ARHGEF10: variants seen among roughly 807,000 people sequenced by gnomAD.
ARHGEF10 encodes Rho guanine nucleotide exchange factor 10.
A neutral mutation model predicts 147.4 loss-of-function variants in ARHGEF10; 140 were observed. The ratio of observed to expected loss-of-function variants is 0.95; its 90% CI spans 0.83 to 1.09. The LOEUF is 1.09. Ranked by LOEUF, ARHGEF10 falls within the 50% of genes least tolerant of loss-of-function variation. ARHGEF10 has a pLI of 0.00. For missense variants in ARHGEF10, 2,222 were observed against 1,752.7 expected (o/e 1.27, Z -4.78); for synonymous variants, 902 against 695.8 (o/e 1.30, Z -4.67).
intron 2 of ARHGEF10, among the ~76,000 whole-genome samples, chr8:1,851,729 A>T (rs1251040863): frequency 2.0e-5 from 3 of 152,128 alleles, no homozygotes; most frequent in African/African-American, 7.2e-5. Context: ...CCTGGGCAAC[A>T]TAGTGCCACC....
chr8:1,849,440 A>G (rs1212367063), intron 2 of ARHGEF10, among the ~76,000 whole-genome samples: 5 of 144,196 alleles, frequency 3.5e-5, no homozygotes, highest in South Asian at 2.3e-4. Context: ...AATGCTGAGG[A>G]GGGCGTGGGG....
intron 18 of ARHGEF10, among the ~76,000 whole-genome samples, chr8:1,910,113 C>A (rs118144264): frequency 0.064 from 9,758 of 151,972 alleles, 449 homozygotes; most frequent in Middle Eastern, 0.11. Context: ...ATCCAAAGAA[C>A]GACTGGCTAA....
At chr8:1,837,324 C>G (rs1021245770) in intron 1 of ARHGEF10, among the ~76,000 whole-genome samples, 1 of 152,210 alleles carries the variant, frequency 6.6e-6, no homozygotes, top group Non-Finnish European at 1.5e-5. Context: ...TGCAGGCAGA[C>G]GCCATGGTCG....
chr8:1,830,367 G>A (rs1454332946), intron 1 of ARHGEF10, among the ~76,000 whole-genome samples: 4 of 152,108 alleles, frequency 2.6e-5, no homozygotes, highest in Admixed American at 2.0e-4. Flanking sequence ...GCCTCCGGGG[G>A]CCGTGCAAAC....
At chr8:1,882,586 A>G (rs1473810605) in intron 9 of ARHGEF10, 49 bp from the exon 10 acceptor site, 7 of 1,438,018 alleles carry the variant, frequency 4.9e-6, no homozygotes, top group African/African-American at 2.8e-5. Context: ...TGAAAGTCGC[A>G]GGTGGGTTCT....
At chr8:1,945,453 T>C (rs1326585740) in intron 26 of ARHGEF10, 28 bp from the exon 27 acceptor site, 5 of 1,564,178 alleles carry the variant, frequency 3.2e-6, no homozygotes, top group Non-Finnish European at 4.3e-6. Flanking sequence ...TCCACGGGGC[T>C]AGCAGACTTG....
At chr8:1,831,372 ATGGAGGGACAGTGGCAGCCG>A (rs146510889) in intron 1 of ARHGEF10, among the ~76,000 whole-genome samples, 1,280 of 57,652 alleles carry the variant, frequency 0.022, no homozygotes, top group Middle Eastern at 0.041. Flanking sequence ...TGTGACATCC[ATGGAGGGACAGTGGCAGCCG>A]TGGAGGGACA....
chr8:1,957,155 CTG>C lies in ARHGEF10; in HGVS notation c.3930_3931del (p.Cys1310TrpfsTer70). Reference sequence around the variant, plus strand: ...CCAAGGCCAGCTCGGCGCTGGTGGTCTGTGGAGGGCAGGGCCACCGCCGGGTG... The same window carrying C: ...CCAAGGCCAGCTCGGCGCTGGTGGTCTGGAGGGCAGGGCCACCGCCGGGTG... ...KAKASSALVV[C>X]GGQGHRRVHR... On this transcript the variant is annotated frameshift_variant, in exon 29 of 29. Coordinates refer to ENST00000349830, the MANE Select transcript of ARHGEF10 (RefSeq NM_014629.4). LOFTEE classifies it high-confidence loss of function. 1 of 1,612,760 alleles carries C rather than the reference CTG, an allele frequency of 6.2e-7. No individual in the cohort carries two copies. Among genetic ancestry groups the C allele is most frequent in the Non-Finnish European group, 8.5e-7 (1 of 1,180,028 alleles).
Position 1,943,693 on chromosome 8 carries a change from A to G in ARHGEF10, c.3223-1788A>G, listed in dbSNP as rs1036853717. 1.1e-4 allele frequency: 17 copies of G among 152,332 alleles called. 1 individual carries two copies. The highest frequency in any genetic ancestry group is 4.1e-4 in the African/African-American group (17 of 41,564). 9.4% of individuals were successfully genotyped at this position (152,332 alleles called of 1,614,324 possible). ...CTAGGAACCAAGTCACAAGTCAGTG[A>G]TGCAGACTCCTTTGCAATTGTGAGC... On this transcript the variant is annotated intron_variant, in intron 26 of 28. Transcript: ENST00000349830.
At chr8:1,930,776 C>A (rs1363318612) in intron 25 of ARHGEF10, among the ~76,000 whole-genome samples, 1 of 152,228 alleles carries the variant, frequency 6.6e-6, no homozygotes, top group East Asian at 1.9e-4. Context: ...CGTGTGGTTC[C>A]GGCCTGGCCT....
At chr8:1,844,498 A>AGAGACGGGAGAAT (rs1804391327) in intron 2 of ARHGEF10, among the ~76,000 whole-genome samples, 1 of 152,036 alleles carries the variant, frequency 6.6e-6, no homozygotes, top group Non-Finnish European at 1.5e-5. Context: ...AGCCAGCGAC[A>AGAGACGGGAGAAT]CCACAGGGGC....
Position 1,898,498 on chromosome 8 carries a change from G to C in ARHGEF10, c.1623G>C (p.Arg541Ser), listed in dbSNP as rs144304948. The change falls in exon 15 of 29, where the codon AGG becomes AGC. Residue 541 changes from arginine (R) to serine (S), a missense_variant. Coordinates refer to ENST00000349830, the MANE Select transcript of ARHGEF10 (RefSeq NM_014629.4). ...LYSLMMKPIQRFPQFILLLQD... is the reference protein window; with the variant it reads ...LYSLMMKPIQSFPQFILLLQD... ...GCCTGATGATGAAGCCCATCCAGAG[G>C]TTCCCACAGTTCATCCTCCTGCTCC... is the stretch of plus-strand genomic sequence containing the variant. The C allele has an allele frequency of 1.1e-5, 17 of 1,614,044 alleles. No individual in the cohort carries two copies. The African/African-American group carries it at 2.3e-4, about 22-fold the overall frequency.
chr8:1,914,475 C>T (rs1285642661), intron 18 of ARHGEF10, among the ~76,000 whole-genome samples: 5 of 152,242 alleles, frequency 3.3e-5, no homozygotes, highest in Admixed American at 3.3e-4. Flanking sequence ...AGTGCCTGGT[C>T]TCCAACGTGT....
intron 2 of ARHGEF10, among the ~76,000 whole-genome samples, chr8:1,853,797 G>A (rs369270066): frequency 2.6e-5 from 4 of 152,204 alleles, no homozygotes; most frequent in African/African-American, 7.2e-5. Context: ...CTCTTCCAGC[G>A]CCCGCCGGCT....
intron 18 of ARHGEF10, among the ~76,000 whole-genome samples, chr8:1,922,205 G>A (rs1812347616): frequency 6.6e-6 from 1 of 151,246 alleles, no homozygotes; most frequent in African/African-American, 2.4e-5. Flanking sequence ...TGGGCAAATA[G>A]ACCCCGGGAC....
At chr8:1,839,544 G>A (rs940221725) in intron 1 of ARHGEF10, among the ~76,000 whole-genome samples, 1 of 140,878 alleles carries the variant, frequency 7.1e-6, no homozygotes, top group African/African-American at 2.8e-5. Flanking sequence ...ACTGTCTGGT[G>A]TGGAAGCTGT....
At chr8:1,894,149 G>A (rs573891663) in intron 12 of ARHGEF10, among the ~76,000 whole-genome samples, 6 of 150,222 alleles carry the variant, frequency 4.0e-5, no homozygotes, top group Non-Finnish European at 7.4e-5. Flanking sequence ...ACTCTAGCAC[G>A]GGTGACAGAC....
intron 25 of ARHGEF10, among the ~76,000 whole-genome samples, chr8:1,931,913 T>C (rs1813180777): frequency 6.6e-6 from 1 of 152,158 alleles, no homozygotes; most frequent in South Asian, 2.1e-4. Flanking sequence ...AGAACAAAGT[T>C]CAGTTGTTGG....
intron 3 of ARHGEF10, 85 bp from the exon 4 acceptor site, chr8:1,859,812 C>T (rs547570269): frequency 6.5e-7 from 1 of 1,530,562 alleles, no homozygotes; most frequent in Non-Finnish European, 9.0e-7. Context: ...GGAGCTCATA[C>T]CTGCTTCCCA....
Sources: gnomAD v4.1 joint callset for allele counts (sites outside exome capture counted in the v4.1 genomes callset) on GRCh38, gnomAD v4.1.1 for gene constraint, MANE v1.5 for transcripts, NCBI Gene and HGNC (gene_info 2026-07-23, HGNC 2026-07-21) for gene names.